The following IDO1 variants were observed in gnomAD, a reference collection of about 807,000 sequenced individuals.
IDO1 encodes indoleamine 2,3-dioxygenase 1, also known as indolamine 2,3 dioxygenase.
Under a neutral mutation model 38.8 loss-of-function variants are expected in IDO1, and 35 were observed. The observed-to-expected ratio is 0.90, with a 90% CI of 0.69 to 1.20. The LOEUF is 1.20. Among genes scored for constraint, IDO1 ranks in the 50% most tolerant of loss-of-function variants. The pLI, the probability that IDO1 is intolerant of heterozygous loss-of-function variation, is 0.00. For synonymous variants in IDO1, 171 were observed against 170.0 expected (o/e 1.01, Z -0.05); for missense variants, 509 against 485.1 (o/e 1.05, Z -0.46).
In IDO1 at chr8:39,925,318, G is replaced by A. The variant is rs1214285767; in HGVS notation, c.803G>A (p.Ser268Asn). ...EFAGGSAGQS[S>N]VFQCFDVLLG... ...GCAGGGGGCAGTGCAGGCCAAAGCA[G>A]CGTCTTTCAGTGCTTTGACGTCCTG... Residue 268 changes from serine to asparagine, a missense_variant, in exon 9 of 10, where the codon AGC becomes AAC. By Grantham distance (46) the Ser-to-Asn change is conservative. Coordinates refer to ENST00000518237, the MANE Select transcript of IDO1 (RefSeq NM_002164.6). The A allele has an allele frequency of 1.9e-6, 3 of 1,613,088 alleles. No homozygotes were observed. The highest frequency in any genetic ancestry group is 1.7e-5 in the Admixed American group (1 of 59,896).
chr8:39,918,342 A>G, intron 3 of IDO1, 135 bp downstream of exon 3: 1 of 773,666 alleles, frequency 1.3e-6, no homozygotes, highest in South Asian at 2.0e-5. Flanking sequence ...AATGATAAAG[A>G]AAATATGCCC....
In IDO1 at chr8:39,913,999, C is replaced by CA. The variant is rs1254092640; in HGVS notation, c.80dup (p.Asn27LysfsTer8). 5 of 1,566,790 alleles carry CA rather than the reference C, an allele frequency of 3.2e-6. No individual in the cohort carries two copies. The highest frequency in any genetic ancestry group is 4.3e-6 in the Non-Finnish European group (5 of 1,154,772). On this transcript the variant is annotated frameshift_variant, in exon 1 of 10. Transcript: ENST00000518237. LOFTEE classifies it high-confidence loss of function. ...GATGAAGAAGTGGGCTTTGCTCTGCCAAATCCACAGGTAAGAGAAGGCAGT... is the reference window on the plus strand; with the variant it reads ...GATGAAGAAGTGGGCTTTGCTCTGCCAAAATCCACAGGTAAGAGAAGGCAGT...
intron 5 of IDO1, among the ~76,000 whole-genome samples, chr8:39,921,590 G>A (rs1807272160): frequency 6.6e-6 from 1 of 152,176 alleles, no homozygotes; most frequent in Admixed American, 6.6e-5. Context: ...TCACTTTACA[G>A]ATGAGAACAC....
chr8:39,923,774 A>G (rs776166829), intron 7 of IDO1, 188 bp downstream of exon 7: 53 of 426,300 alleles, frequency 1.2e-4, no homozygotes, highest in Non-Finnish European at 1.8e-4. Context: ...AAGTAAAGTC[A>G]TCTAAATTCA....
At chr8:39,923,388 AGC>A in intron 6 of IDO1, 79 bp from the exon 7 acceptor site, 1 of 828,920 alleles carries the variant, frequency 1.2e-6, no homozygotes, top group Admixed American at 2.5e-5. Flanking sequence ...TGGACAACTG[AGC>A]GAGACTCCGT....
In IDO1 at chr8:39,917,981, T is replaced by A; in HGVS notation, c.183+11T>A. 1 of 1,611,562 alleles carries A rather than the reference T, an allele frequency of 6.2e-7. No individual in the cohort carries two copies. Among genetic ancestry groups the A allele is most frequent in the Non-Finnish European group, 8.5e-7 (1 of 1,177,732 alleles). On this transcript the variant is annotated intron_variant, in intron 2 of 9. Coordinates refer to ENST00000518237, the MANE Select transcript of IDO1 (RefSeq NM_002164.6). ...GAAAGAGTTGAGAAGGTTTGACATATGTATTACATTTGTCTTCTTGTATAG... is the reference window on the plus strand; with the variant it reads ...GAAAGAGTTGAGAAGGTTTGACATAAGTATTACATTTGTCTTCTTGTATAG...
chr8:39,926,680 T>A (rs1563417849), intron 9 of IDO1, among the ~76,000 whole-genome samples: 3 of 152,230 alleles, frequency 2.0e-5, no homozygotes, highest in Admixed American at 6.5e-5. Flanking sequence ...AAAATTTTTT[T>A]ATCATATTTA....
intron 5 of IDO1, among the ~76,000 whole-genome samples, 155 bp downstream of exon 5, chr8:39,920,269 C>T (rs1807251969): frequency 6.6e-6 from 1 of 152,160 alleles, no homozygotes; most frequent in Non-Finnish European, 1.5e-5. Flanking sequence ...TAATCTCAGT[C>T]TTTAATTGTA....
At chr8:39,919,091 G>C (rs760964868) in intron 4 of IDO1, 158 bp downstream of exon 4, 4 of 749,524 alleles carry the variant, frequency 5.3e-6, no homozygotes, top group African/African-American at 5.1e-5. Context: ...TTGGACTGCT[G>C]TGTCTACCAC....
chr8:39,923,261 G>A (rs1169888647), intron 6 of IDO1, among the ~76,000 whole-genome samples: 7 of 151,964 alleles, frequency 4.6e-5, no homozygotes, highest in Non-Finnish European at 2.9e-5. Flanking sequence ...AAAATTAGCC[G>A]GGCATGGTGG....
At chr8:39,924,821 A>T in intron 8 of IDO1, 49 bp downstream of exon 8, 1 of 1,351,534 alleles carries the variant, frequency 7.4e-7, no homozygotes, top group Non-Finnish European at 1.1e-6. Context: ...AACAAAGAAC[A>T]CCACCAAATT....
At chr8:39,922,996 T>C in intron 6 of IDO1, 1 of 228,284 alleles carries the variant, frequency 4.4e-6, no homozygotes. Flanking sequence ...TTAAATTAAA[T>C]GCTATGTGAA....
At chr8:39,914,085 A>T in intron 1 of IDO1, 76 bp downstream of exon 1, 1 of 1,046,046 alleles carries the variant, frequency 9.6e-7, no homozygotes, top group Non-Finnish European at 1.5e-6. Flanking sequence ...ACTTCTACTG[A>T]ACAACTGTGG....
Position 39,928,208 on chromosome 8 carries a change from T to G in IDO1, c.*23T>G, listed in dbSNP as rs1381668776. ...TAATGTAACCCAACAAGAGCACATT[T>G]TATCATAGCAGAGACATCTGTATGC... On this transcript the variant is annotated 3_prime_UTR_variant, in exon 10 of 10. Coordinates refer to ENST00000518237, the MANE Select transcript of IDO1 (RefSeq NM_002164.6). 3.9e-6 allele frequency: 6 copies of G among 1,530,862 alleles called. No homozygotes were observed. The allele number at this position is 1,530,862 out of a possible 1,614,324, so 94.8% of individuals were successfully genotyped here.
chr8:39,918,850 A>C lies in IDO1; in HGVS notation c.339A>C (p.Gln113His). The C allele has an allele frequency of 6.2e-7, 1 of 1,613,062 alleles. No individual in the cohort carries two copies. The highest frequency in any genetic ancestry group is 8.5e-7 in the Non-Finnish European group (1 of 1,179,286). The change falls in exon 4 of 10, where the codon CAA becomes CAC. Residue 113 changes from glutamine (Q) to histidine (H), a missense_variant. By Grantham distance (24) the Gln-to-His change is conservative. Transcript: ENST00000518237. ...LPRNIAVPYCQLSKKLELPPI... is the reference protein window; with the variant it reads ...LPRNIAVPYCHLSKKLELPPI... ...GAAATATTGCTGTTCCTTACTGCCA[A>C]CTCTCCAAGAAACTGGAACTGCCTC...
At position 39,915,930 on chromosome 8, in the gene IDO1, C is replaced by T. The variant is rs1031241487; in HGVS notation, c.87+1921C>T. ...CCTGTAATCCCAGCACTTTGGGAGA[C>T]GGAGGCGGGTGGATCATGAGGTCAG... On this transcript the variant is annotated intron_variant, in intron 1 of 9. Transcript: ENST00000518237. Among the ~76,000 whole-genome samples the T allele has an allele frequency of 7.2e-5, 11 of 152,036 alleles. 1 individual carries two copies. Among genetic ancestry groups the T allele is most frequent in the South Asian group, 2.1e-4 (1 of 4,830 alleles).
chr8:39,922,687 T>C (rs1807293493), intron 6 of IDO1, 36 bp downstream of exon 6: 1 of 1,390,444 alleles, frequency 7.2e-7, no homozygotes, highest in Admixed American at 1.7e-5. Flanking sequence ...TATATGTCAA[T>C]TTACGTAAGC....
intron 3 of IDO1, 25 bp downstream of exon 3, chr8:39,918,232 T>A: frequency 6.3e-7 from 1 of 1,597,302 alleles, no homozygotes; most frequent in Non-Finnish European, 8.6e-7. Context: ...TCAGATTTCT[T>A]ATGCTATGTG....
At chr8:39,926,622 C>A (rs375145334) in intron 9 of IDO1, among the ~76,000 whole-genome samples, 23 of 152,280 alleles carry the variant, frequency 1.5e-4, no homozygotes, top group Admixed American at 8.5e-4. Flanking sequence ...GGGAAAGCAT[C>A]GGGCTGGGTA....
Sources: gnomAD v4.1 joint callset for allele counts (sites outside exome capture counted in the v4.1 genomes callset) on GRCh38, gnomAD v4.1.1 for gene constraint, MANE v1.5 for transcripts, NCBI Gene and HGNC (gene_info 2026-07-23, HGNC 2026-07-21) for gene names.